Variants in DACH2 observed in about 807,000 individuals in gnomAD.
The protein encoded by DACH2 is dachshund homolog 2.
In DACH2, 17 loss-of-function variants were observed where a neutral mutation model predicts 35.8. The observed-to-expected ratio is 0.48, with a 90% confidence interval of 0.33 to 0.71. The LOEUF is 0.71. DACH2 is among the 30% of genes least tolerant of loss of function. The pLI, the probability that DACH2 is intolerant of heterozygous loss-of-function variation, is 0.02. For missense variants in DACH2, 469 were observed against 472.7 expected (o/e 0.99, Z 0.07); for synonymous variants, 195 against 177.3 (o/e 1.10, Z -0.79).
At chrX:86,438,934 C>T (rs184490935) in intron 2 of DACH2, among the ~76,000 whole-genome samples, 29 of 112,079 alleles carry the variant, frequency 2.6e-4, no homozygotes, top group Non-Finnish European at 4.3e-4. Context: ...TTTTGATTTG[C>T]ATCTTTTATT....
intron 7 of DACH2, among the ~76,000 whole-genome samples, chrX:86,751,733 A>G (rs774172891): frequency 9.0e-6 from 1 of 111,606 alleles, no homozygotes; most frequent in East Asian, 2.8e-4. Flanking sequence ...AATAGGAAAA[A>G]AAAAGAAAGT....
At chrX:86,769,521 T>C (rs1460546426) in intron 7 of DACH2, among the ~76,000 whole-genome samples, 2 of 111,721 alleles carry the variant, frequency 1.8e-5, no homozygotes, top group Non-Finnish European at 3.8e-5. Flanking sequence ...GGTACCACAT[T>C]ACCATTTTTC....
intron 7 of DACH2, among the ~76,000 whole-genome samples, chrX:86,775,975 T>C (rs1480701970): frequency 9.0e-6 from 1 of 111,428 alleles, no homozygotes; most frequent in Non-Finnish European, 1.9e-5. Flanking sequence ...TTGCCCAAGG[T>C]CACTCAGTAA....
At chrX:86,227,915 A>G (rs1245429433) in intron 1 of DACH2, among the ~76,000 whole-genome samples, 3 of 111,261 alleles carry the variant, frequency 2.7e-5, no homozygotes, top group Non-Finnish European at 3.8e-5. Flanking sequence ...TGAGCCAGTC[A>G]GTAATGCAAT....
At chrX:86,473,577 A>G (rs2037793691) in intron 2 of DACH2, among the ~76,000 whole-genome samples, 1 of 110,945 alleles carries the variant, frequency 9.0e-6, no homozygotes, top group Non-Finnish European at 1.9e-5. Context: ...CCATGAGTTC[A>G]ATTTTTTTTT....
At position 86,611,369 on chromosome X, in the gene DACH2, AC is replaced by A. The variant is rs1302215792; in HGVS notation, c.641-39665del. ...CTCTTTTGGAGCTGCAAGCTGTGCC[AC>A]CTGGGGTTGGGAGAGAGGTGGCACA... On this transcript the variant is annotated intron_variant, in intron 3 of 11. Coordinates refer to ENST00000373125, the MANE Select transcript of DACH2 (RefSeq NM_053281.3). 2.7e-5 allele frequency among the ~76,000 whole-genome samples: 3 copies of A among 109,430 alleles called. No homozygotes were observed. In the Admixed American group the frequency reaches 2.9e-4, roughly 11 times the overall value.
At position 86,514,406 on chromosome X, in the gene DACH2, C is replaced by T. The variant is rs1255896198; in HGVS notation, c.640+15C>T. 2 of 1,177,736 alleles carry T rather than the reference C, an allele frequency of 1.7e-6. No homozygotes were observed. The highest frequency in any genetic ancestry group is 6.0e-5 in the East Asian group (2 of 33,569). ...CACTCCGACAGGTAATAAAATCCATCTGATGATCAGCCATGTCTCTTCGTA... is the reference window on the plus strand; with the variant it reads ...CACTCCGACAGGTAATAAAATCCATTTGATGATCAGCCATGTCTCTTCGTA... On this transcript the variant is annotated intron_variant, in intron 3 of 11. Coordinates refer to ENST00000373125, the MANE Select transcript of DACH2 (RefSeq NM_053281.3).
At chrX:86,242,708 A>G (rs1162340147) in intron 1 of DACH2, among the ~76,000 whole-genome samples, 1 of 111,400 alleles carries the variant, frequency 9.0e-6, no homozygotes, top group Non-Finnish European at 1.9e-5. Context: ...CTCATGTCAA[A>G]TTGTAATCCC....
intron 7 of DACH2, among the ~76,000 whole-genome samples, chrX:86,767,113 C>A (rs192370371): frequency 8.9e-6 from 1 of 111,985 alleles, no homozygotes; most frequent in East Asian, 2.8e-4. Context: ...TGATTCACGG[C>A]AGTGAACAGT....
chrX:86,442,667 G>GT (rs1382559836), intron 2 of DACH2, among the ~76,000 whole-genome samples: 1 of 109,819 alleles, frequency 9.1e-6, no homozygotes, highest in African/African-American at 3.3e-5. Flanking sequence ...TCTTCTGGGA[G>GT]TTTTTTTCAT....
At chrX:86,689,352 G>A (rs954856464) in intron 4 of DACH2, among the ~76,000 whole-genome samples, 1 of 111,273 alleles carries the variant, frequency 9.0e-6, no homozygotes, top group African/African-American at 3.3e-5. Context: ...TTCCATTCAT[G>A]TGTTAGCACT....
intron 3 of DACH2, among the ~76,000 whole-genome samples, chrX:86,552,933 A>G (rs1352600309): frequency 9.0e-6 from 1 of 111,325 alleles, no homozygotes; most frequent in Non-Finnish European, 1.9e-5. Flanking sequence ...ATAGTATATA[A>G]TCAGGGACCA....
At chrX:86,623,028 A>G (rs1292201329) in intron 3 of DACH2, among the ~76,000 whole-genome samples, 1 of 111,906 alleles carries the variant, frequency 8.9e-6, no homozygotes, top group Admixed American at 9.5e-5. Context: ...ATTAAATGGT[A>G]AATTCATTAG....
intron 1 of DACH2, chrX:86,161,062 C>T: frequency 1.9e-6 from 2 of 1,060,741 alleles, no homozygotes; most frequent in Non-Finnish European, 2.6e-6. Flanking sequence ...ATGTTGTCAT[C>T]ATTCCAACCA....
chrX:86,514,240 A>C (rs1453159912), intron 2 of DACH2, 39 bp from the exon 3 acceptor site: 4 of 1,126,116 alleles, frequency 3.6e-6, no homozygotes, highest in Non-Finnish European at 4.8e-6. Context: ...AAAAGAGTAC[A>C]TTTTTAACCT....
At chrX:86,160,625 C>T in intron 1 of DACH2, 1 of 497,691 alleles carries the variant, frequency 2.0e-6, no homozygotes, top group Admixed American at 2.7e-5. Context: ...CATTGGTGGG[C>T]CATTTTTGCT....
intron 1 of DACH2, among the ~76,000 whole-genome samples, chrX:86,159,044 G>A (rs934111580): frequency 9.0e-6 from 1 of 111,488 alleles, no homozygotes; most frequent in African/African-American, 3.3e-5. Context: ...TTTGTTAAAA[G>A]GGATATGAAT....
intron 3 of DACH2, among the ~76,000 whole-genome samples, chrX:86,584,292 A>G (rs2039540313): frequency 9.1e-6 from 1 of 110,423 alleles, no homozygotes; most frequent in South Asian, 3.8e-4. Flanking sequence ...GTTTTATTCT[A>G]TTATTATTAT....
intron 1 of DACH2, among the ~76,000 whole-genome samples, chrX:86,362,892 T>C (rs188469957): frequency 9.0e-6 from 1 of 111,074 alleles, no homozygotes; most frequent in East Asian, 2.8e-4. Flanking sequence ...GTAGTCTAGA[T>C]ATCATAATAA....
Sources: allele counts gnomAD v4.1 joint callset (sites outside exome capture counted in the v4.1 genomes callset), GRCh38; gene constraint gnomAD v4.1.1; transcripts MANE v1.5; gene names NCBI Gene and HGNC (gene_info 2026-07-23, HGNC 2026-07-21).